Variants in FAM13A observed in about 807,000 individuals in gnomAD.
FAM13A encodes the protein protein FAM13A.
FAM13A carries 76 observed loss-of-function variants against 129.6 expected under a neutral mutation model. That is an observed-to-expected ratio of 0.59 (90% CI 0.49 to 0.71). The LOEUF (loss-of-function observed/expected upper bound fraction) is 0.71, where lower values mean the gene tolerates loss of function less well. Ranked by LOEUF, FAM13A falls within the 30% of genes least tolerant of loss-of-function variation. FAM13A has a pLI of 0.00. For synonymous variants in FAM13A, 443 were observed against 449.9 expected, an observed-to-expected ratio of 0.98 and a Z score of 0.20; for missense variants, 1,108 against 1,249.3, an observed-to-expected ratio of 0.89 and a Z score of 1.70.
chr4:88,835,219 T>C (rs1734613246), intron 7 of FAM13A, among the ~76,000 whole-genome samples: 1 of 152,058 alleles, frequency 6.6e-6, no homozygotes, highest in African/African-American at 2.4e-5. Flanking sequence ...CATCACTAGT[T>C]TTTGTTTAGG....
At chr4:89,011,996 A>C (rs902798419) in intron 3 of FAM13A, among the ~76,000 whole-genome samples, 5 of 152,090 alleles carry the variant, frequency 3.3e-5, no homozygotes, top group South Asian at 2.1e-4. Context: ...GAAGTTACTA[A>C]AAAAAATACT....
chr4:88,828,241 A>G (rs1001047556), intron 7 of FAM13A, among the ~76,000 whole-genome samples: 30 of 152,178 alleles, frequency 2.0e-4, no homozygotes, highest in Admixed American at 9.8e-4. Context: ...CCTGGGCTCA[A>G]GTGTGCCTCC....
intron 4 of FAM13A, among the ~76,000 whole-genome samples, chr4:88,941,340 C>A (rs1754727647): frequency 6.6e-6 from 1 of 152,122 alleles, no homozygotes; most frequent in Admixed American, 6.5e-5. Context: ...AGTTATTTTT[C>A]TATTGTTGTG....
chr4:88,867,858 TAAC>T (rs761266795), intron 6 of FAM13A, among the ~76,000 whole-genome samples: 26 of 152,268 alleles, frequency 1.7e-4, no homozygotes, highest in Admixed American at 7.8e-4. Context: ...GGAGAAAAAC[TAAC>T]AACAACAGTT....
At chr4:88,796,160 A>G (rs547877365) in intron 8 of FAM13A, among the ~76,000 whole-genome samples, 1 of 151,994 alleles carries the variant, frequency 6.6e-6, no homozygotes, top group African/African-American at 2.4e-5. Context: ...ACCTCTTAAA[A>G]TAAGTTTAGA....
chr4:88,926,316 T>A (rs1275168083), intron 5 of FAM13A, among the ~76,000 whole-genome samples: 3 of 152,100 alleles, frequency 2.0e-5, no homozygotes, highest in African/African-American at 7.2e-5. Context: ...GAAGAAAATA[T>A]CAGAAATTCA....
At chr4:89,000,117 C>T (rs1415300685) in intron 3 of FAM13A, among the ~76,000 whole-genome samples, 3 of 152,096 alleles carry the variant, frequency 2.0e-5, no homozygotes, top group Admixed American at 6.6e-5. Flanking sequence ...CCTCTTCAAG[C>T]CTATAATCTT....
At chr4:88,876,337 A>G (rs1409055389) in intron 6 of FAM13A, among the ~76,000 whole-genome samples, 1 of 152,148 alleles carries the variant, frequency 6.6e-6, no homozygotes, top group East Asian at 1.9e-4. Context: ...TAAAAGCAAA[A>G]AGAAAAAAAA....
At chr4:88,859,465 T>C (rs1282164578) in intron 6 of FAM13A, among the ~76,000 whole-genome samples, 1 of 151,892 alleles carries the variant, frequency 6.6e-6, no homozygotes, top group Non-Finnish European at 1.5e-5. Flanking sequence ...GGTGGAGGGA[T>C]ATGAGTGTGG....
chr4:88,960,311 C>T (rs1214444193), intron 4 of FAM13A, among the ~76,000 whole-genome samples: 1 of 152,104 alleles, frequency 6.6e-6, no homozygotes, highest in Non-Finnish European at 1.5e-5. Context: ...ATCCTGAAGC[C>T]TATTTGATTT....
chr4:88,781,813 G>A (rs76103372), intron 10 of FAM13A, among the ~76,000 whole-genome samples: 5,363 of 151,150 alleles, frequency 0.035, 202 homozygotes, highest in South Asian at 0.22. Context: ...ACACAGGAAG[G>A]GGAACATCAC....
intron 3 of FAM13A, among the ~76,000 whole-genome samples, chr4:88,998,316 G>C (rs1394915055): frequency 6.6e-6 from 1 of 152,202 alleles, no homozygotes; most frequent in Admixed American, 6.6e-5. Context: ...CTGAAATAGA[G>C]AGATTGATTA....
intron 1 of FAM13A, among the ~76,000 whole-genome samples, chr4:89,048,074 C>T (rs1173225094): frequency 6.6e-6 from 1 of 152,100 alleles, no homozygotes. Flanking sequence ...AAAAAGTTGG[C>T]AGTTTCTTAA....
intron 21 of FAM13A, 175 bp from the exon 22 acceptor site, chr4:88,732,373 T>G (rs758451297): frequency 8.4e-6 from 4 of 475,108 alleles, no homozygotes; most frequent in Non-Finnish European, 1.5e-5. Flanking sequence ...GTATTCGATA[T>G]AAATATACAC....
chr4:88,817,906 A>C (rs1466708912), intron 7 of FAM13A, among the ~76,000 whole-genome samples: 3 of 152,254 alleles, frequency 2.0e-5, no homozygotes, highest in Non-Finnish European at 4.4e-5. Context: ...AACTAAAAGA[A>C]AAGCAACATA....
intron 3 of FAM13A, among the ~76,000 whole-genome samples, chr4:88,993,293 C>A (rs567662915): frequency 3.9e-5 from 6 of 152,238 alleles, no homozygotes; most frequent in African/African-American, 1.4e-4. Context: ...AAATAATGAA[C>A]CAAGAGAAAA....
chr4:88,982,756 A>G (rs114368267), intron 4 of FAM13A, among the ~76,000 whole-genome samples: 5,802 of 152,286 alleles, frequency 0.038, 230 homozygotes, highest in South Asian at 0.22. Context: ...AAAATCATAT[A>G]CAACATATAT....
At chr4:88,930,760 G>T (rs940861347) in intron 5 of FAM13A, among the ~76,000 whole-genome samples, 3 of 152,098 alleles carry the variant, frequency 2.0e-5, no homozygotes, top group Non-Finnish European at 4.4e-5. Flanking sequence ...AAGTGGTATG[G>T]GTGATGGCAT....
intron 1 of FAM13A, among the ~76,000 whole-genome samples, chr4:89,034,017 T>G (rs1242805901): frequency 6.6e-6 from 1 of 152,168 alleles, no homozygotes; most frequent in Non-Finnish European, 1.5e-5. Flanking sequence ...AACATCAGGC[T>G]AGGCAAAAAA....
Sources: allele counts gnomAD v4.1 joint callset (sites outside exome capture counted in the v4.1 genomes callset), GRCh38; gene constraint gnomAD v4.1.1; transcripts MANE v1.5; gene names NCBI Gene and HGNC (gene_info 2026-07-23, HGNC 2026-07-21).